The following TASP1 variants were observed in gnomAD, a reference collection of about 807,000 sequenced individuals.
TASP1 encodes threonine aspartase 1.
In TASP1, 16 loss-of-function variants were observed where a neutral mutation model predicts 56.6. The ratio of observed to expected loss-of-function variants is 0.28; its 90% CI spans 0.19 to 0.43. TASP1 has a LOEUF of 0.43. Ranked by LOEUF, TASP1 falls within the 20% of genes least tolerant of loss-of-function variation. The pLI, the probability that TASP1 is intolerant of heterozygous loss-of-function variation, is 1.00. For synonymous variants in TASP1, 179 were observed against 184.2 expected (o/e 0.97, Z 0.23); for missense variants, 393 against 511.6 (o/e 0.77, Z 2.24).
chr20:13,333,567 T>C, the TASP1 span, among the ~76,000 whole-genome samples: 1 of 151,328 alleles, frequency 6.6e-6, no homozygotes, highest in Non-Finnish European at 1.5e-5. Flanking sequence ...CTGCCTTCTT[T>C]TAAAATGATA....
chr20:13,350,966 G>GA, the TASP1 span, among the ~76,000 whole-genome samples: 813 of 122,674 alleles, frequency 6.6e-3, 6 homozygotes, highest in East Asian at 0.016. Flanking sequence ...TTCCAAAAGT[G>GA]AAAAAAAAAA....
At chr20:13,484,807 C>T (rs1176079275) in intron 10 of TASP1, among the ~76,000 whole-genome samples, 1 of 150,042 alleles carries the variant, frequency 6.7e-6, no homozygotes, top group Non-Finnish European at 1.5e-5. Flanking sequence ...GCCATAAAAA[C>T]GGATGAGTTC....
chr20:13,632,616 C>A (rs988380769), intron 1 of TASP1, among the ~76,000 whole-genome samples: 1 of 152,128 alleles, frequency 6.6e-6, no homozygotes, highest in African/African-American at 2.4e-5. Context: ...TCTCAACAAA[C>A]CCCTCCAAAA....
chr20:13,472,731 A>T (rs1056317431), intron 11 of TASP1, among the ~76,000 whole-genome samples: 1 of 151,304 alleles, frequency 6.6e-6, no homozygotes, highest in African/African-American at 2.4e-5. Context: ...GACACATGAA[A>T]AAATGCTCAT....
At chr20:13,173,931 T>C in the TASP1 span, among the ~76,000 whole-genome samples, 3 of 152,328 alleles carry the variant, frequency 2.0e-5, no homozygotes, top group Non-Finnish European at 4.4e-5. Context: ...TGCATGTTCC[T>C]GGAGTCTCTG....
At chr20:13,214,527 ACAC>A in the TASP1 span, among the ~76,000 whole-genome samples, 1 of 65,616 alleles carries the variant, frequency 1.5e-5, no homozygotes, top group African/African-American at 1.6e-4. Context: ...AGGCACACAC[ACAC>A]ACACACACAC....
At chr20:13,295,310 C>T in the TASP1 span, among the ~76,000 whole-genome samples, 2 of 152,196 alleles carry the variant, frequency 1.3e-5, no homozygotes, top group South Asian at 2.1e-4. Flanking sequence ...TAATAGCTCA[C>T]TATCACTCAC....
At chr20:13,362,585 G>C in the TASP1 span, among the ~76,000 whole-genome samples, 1 of 150,824 alleles carries the variant, frequency 6.6e-6, no homozygotes, top group African/African-American at 2.5e-5. Context: ...ATCTCCCTTT[G>C]CTGACTCTCT....
the TASP1 span, chr20:13,160,044 T>C: frequency 4.3e-6 from 7 of 1,613,696 alleles, no homozygotes; most frequent in South Asian, 6.6e-5. Context: ...ATTGGAGTGG[T>C]GGTCGTGGGA....
intron 4 of TASP1, among the ~76,000 whole-genome samples, chr20:13,595,274 G>C (rs2047685233): frequency 6.6e-6 from 1 of 152,130 alleles, no homozygotes; most frequent in African/African-American, 2.4e-5. Context: ...GCAAAAACAT[G>C]CCAAATTGTA....
chr20:13,179,372 T>C, the TASP1 span, among the ~76,000 whole-genome samples: 2 of 151,770 alleles, frequency 1.3e-5, no homozygotes, highest in South Asian at 4.2e-4. Flanking sequence ...TAAAAAACTA[T>C]ACTAGATTTT....
intron 11 of TASP1, among the ~76,000 whole-genome samples, chr20:13,465,808 T>C (rs1482377265): frequency 3.2e-5 from 4 of 124,728 alleles, no homozygotes; most frequent in South Asian, 2.6e-4. Flanking sequence ...CAGGAGACTA[T>C]TGGTTGCCAG....
At chr20:13,166,262 T>C in the TASP1 span, 1 of 152,618 alleles carries the variant, frequency 6.6e-6, no homozygotes, top group African/African-American at 2.4e-5. Flanking sequence ...TGCTGTGCAC[T>C]GAGATAGAAA....
intron 12 of TASP1, 132 bp downstream of exon 12, chr20:13,434,912 G>T: frequency 1.7e-6 from 1 of 574,020 alleles, no homozygotes; most frequent in Middle Eastern, 3.9e-4. Context: ...AGTAGAACAG[G>T]GATGTTCAGA....
chr20:13,257,524 T>G, the TASP1 span, among the ~76,000 whole-genome samples: 1 of 152,176 alleles, frequency 6.6e-6, no homozygotes, highest in Non-Finnish European at 1.5e-5. Flanking sequence ...GCTCTCATGT[T>G]TACATAGTGT....
chr20:13,576,395 A>AAGAAAGAAAGTC (rs1555793620), intron 6 of TASP1, among the ~76,000 whole-genome samples: 5 of 142,316 alleles, frequency 3.5e-5, no homozygotes, highest in Admixed American at 2.1e-4. Flanking sequence ...GAAAGAAAGA[A>AAGAAAGAAAGTC]AGTCAGTCTT....
At chr20:13,493,456 C>G (rs1264548030) in intron 10 of TASP1, among the ~76,000 whole-genome samples, 1 of 152,150 alleles carries the variant, frequency 6.6e-6, no homozygotes, top group Non-Finnish European at 1.5e-5. Context: ...CTGGCTTTTC[C>G]CTTTCCTATA....
At chr20:13,398,197 G>A (rs2041613865) in intron 13 of TASP1, among the ~76,000 whole-genome samples, 1 of 152,110 alleles carries the variant, frequency 6.6e-6, no homozygotes, top group South Asian at 2.1e-4. Flanking sequence ...GAATTTTGGA[G>A]GGGAAAAATA....
chr20:13,398,513 T>C (rs1376451388), intron 13 of TASP1, among the ~76,000 whole-genome samples: 2 of 152,230 alleles, frequency 1.3e-5, no homozygotes, highest in East Asian at 3.9e-4. Context: ...AAAAGACCTG[T>C]GTGACTCTGT....
Sources: gnomAD v4.1 joint callset for allele counts (sites outside exome capture counted in the v4.1 genomes callset) on GRCh38, gnomAD v4.1.1 for gene constraint, MANE v1.5 for transcripts, NCBI Gene and HGNC (gene_info 2026-07-23, HGNC 2026-07-21) for gene names.